Variants in VKORC1L1 observed in about 807,000 individuals in gnomAD.
VKORC1L1 encodes the protein vitamin K epoxide reductase complex subunit 1-like protein 1.
VKORC1L1 carries 2 observed loss-of-function variants against 18.9 expected under a neutral mutation model. The observed-to-expected ratio is 0.11, with a 90% confidence interval of 0.04 to 0.33. The LOEUF (loss-of-function observed/expected upper bound fraction) is 0.33, where lower values mean the gene tolerates loss of function less well. Ranked by LOEUF, VKORC1L1 falls within the 10% of genes least tolerant of loss-of-function variation. The probability of loss-of-function intolerance (pLI) is 1.00; values close to 1 mark genes in which losing one functional copy is unlikely to be tolerated. For synonymous variants in VKORC1L1, 96 were observed against 100.0 expected, an observed-to-expected ratio of 0.96 and a Z score of 0.24; for missense variants, 123 against 224.1, an observed-to-expected ratio of 0.55 and a Z score of 2.88.
chr7:65,889,271 T>G (rs1270809483), intron 1 of VKORC1L1, among the ~76,000 whole-genome samples: 1 of 152,190 alleles, frequency 6.6e-6, no homozygotes, highest in Non-Finnish European at 1.5e-5. Flanking sequence ...TGTTGAGTAC[T>G]TCATTTGCTA....
At chr7:65,925,393 T>C (rs1224635029) in intron 1 of VKORC1L1, among the ~76,000 whole-genome samples, 1 of 152,216 alleles carries the variant, frequency 6.6e-6, no homozygotes, top group Non-Finnish European at 1.5e-5. Flanking sequence ...GTCTCCGAGT[T>C]GGTCTCACTC....
chr7:65,913,050 T>A (rs190287978), intron 1 of VKORC1L1, among the ~76,000 whole-genome samples: 1 of 152,254 alleles, frequency 6.6e-6, no homozygotes, highest in Non-Finnish European at 1.5e-5. Flanking sequence ...GGTGTGGGTA[T>A]CTCAGAGAGC....
At chr7:65,930,824 T>G (rs1043870613) in intron 1 of VKORC1L1, among the ~76,000 whole-genome samples, 3 of 152,154 alleles carry the variant, frequency 2.0e-5, no homozygotes, top group Non-Finnish European at 2.9e-5. Flanking sequence ...GAGAAAGAAT[T>G]TCGTCTTTCC....
chr7:65,881,672 A>T (rs185496927), intron 1 of VKORC1L1, among the ~76,000 whole-genome samples: 46 of 152,344 alleles, frequency 3.0e-4, no homozygotes, highest in African/African-American at 1.1e-3. Flanking sequence ...TTTTGCATAC[A>T]AAACTGGTGA....
In VKORC1L1 at chr7:65,916,115, T is replaced by TAAAAAAA. The variant is rs35219358; in HGVS notation, c.195-32544_195-32538dup. Among the ~76,000 whole-genome samples, 273 of 126,612 alleles carry TAAAAAAA rather than the reference T, an allele frequency of 2.2e-3. 2 individuals are homozygous for TAAAAAAA. The highest frequency in any genetic ancestry group is 7.9e-3 in the African/African-American group (266 of 33,530). 83.1% of individuals were successfully genotyped at this position (126,612 alleles called of 152,430 possible). ...AGCAGACCGTGACTCTGTCTAAAAT[T>TAAAAAAA]AAAAAAAAAAAAAAAAAAGAGGAAA... is the stretch of plus-strand genomic sequence containing the variant. On this transcript the variant is annotated intron_variant, in intron 1 of 2. Transcript: ENST00000360768.
At chr7:65,872,830 G>A (rs1439285374), upstream of VKORC1L1, among the ~76,000 whole-genome samples, 1 of 152,054 alleles carries the variant, frequency 6.6e-6, no homozygotes, top group Non-Finnish European at 1.5e-5. Flanking sequence ...GATGGCAATT[G>A]ATTGCCATCC....
chr7:65,951,113 G>A (rs904486221), intron 2 of VKORC1L1, among the ~76,000 whole-genome samples: 3 of 152,044 alleles, frequency 2.0e-5, no homozygotes, highest in South Asian at 2.1e-4. Flanking sequence ...TTTTTGACTC[G>A]CATTTAGATG....
intron 1 of VKORC1L1, among the ~76,000 whole-genome samples, chr7:65,895,506 TATATATATATAC>T (rs1477818107): frequency 7.4e-5 from 7 of 94,322 alleles, no homozygotes; most frequent in African/African-American, 2.4e-4. Flanking sequence ...TATATATATA[TATATATATATAC>T]ACACACACAC....
intron 1 of VKORC1L1, among the ~76,000 whole-genome samples, chr7:65,894,322 C>CTGAT: frequency 6.6e-6 from 1 of 152,148 alleles, no homozygotes; most frequent in East Asian, 1.9e-4. Context: ...ATTGAATCCT[C>CTGAT]TGATTCATAG....
chr7:65,877,536 C>T (rs1788850280), intron 1 of VKORC1L1, among the ~76,000 whole-genome samples: 1 of 152,076 alleles, frequency 6.6e-6, no homozygotes, highest in Non-Finnish European at 1.5e-5. Context: ...TTAGTAGAGA[C>T]AGGGTCTTGC....
chr7:65,892,760 G>C (rs1389314308), intron 1 of VKORC1L1, among the ~76,000 whole-genome samples: 1 of 152,158 alleles, frequency 6.6e-6, no homozygotes, highest in Non-Finnish European at 1.5e-5. Context: ...CTGCTTTGTA[G>C]AGCTACCTTG....
At chr7:65,875,563 G>A (rs1313828490) in intron 1 of VKORC1L1, among the ~76,000 whole-genome samples, 1 of 151,642 alleles carries the variant, frequency 6.6e-6, no homozygotes, top group African/African-American at 2.4e-5. Flanking sequence ...GACTACAGGC[G>A]CCCGCCACAA....
At chr7:65,892,424 C>T (rs1485943865) in intron 1 of VKORC1L1, among the ~76,000 whole-genome samples, 2 of 152,218 alleles carry the variant, frequency 1.3e-5, no homozygotes, top group African/African-American at 2.4e-5. Flanking sequence ...CCTTTTTCCA[C>T]ATCCTCACCA....
At chr7:65,898,354 G>T (rs1789253306) in intron 1 of VKORC1L1, among the ~76,000 whole-genome samples, 1 of 152,038 alleles carries the variant, frequency 6.6e-6, no homozygotes. Context: ...AAAGTGTTGG[G>T]ATTACAGGTG....
intron 1 of VKORC1L1, among the ~76,000 whole-genome samples, chr7:65,946,908 G>A (rs1790127573): frequency 6.6e-6 from 1 of 152,086 alleles, no homozygotes; most frequent in Non-Finnish European, 1.5e-5. Context: ...GCCAAGGTGG[G>A]AGGATTGCTT....
At chr7:65,903,158 G>T (rs369612339) in intron 1 of VKORC1L1, among the ~76,000 whole-genome samples, 1 of 149,724 alleles carries the variant, frequency 6.7e-6, no homozygotes, top group Non-Finnish European at 1.5e-5. Flanking sequence ...AAGCCACCAC[G>T]CTTGGCCTTC....
At chr7:65,890,454 A>G (rs1789093888) in intron 1 of VKORC1L1, among the ~76,000 whole-genome samples, 1 of 151,880 alleles carries the variant, frequency 6.6e-6, no homozygotes, top group Admixed American at 6.6e-5. Context: ...TTTTTAGTAG[A>G]GATGGCATTT....
intron 1 of VKORC1L1, among the ~76,000 whole-genome samples, chr7:65,917,079 C>T (rs752576929): frequency 2.0e-5 from 3 of 152,148 alleles, no homozygotes; most frequent in Non-Finnish European, 4.4e-5. Context: ...TAGTCATTTA[C>T]TTAATTCCTC....
chr7:65,886,841 T>G (rs1789021883), intron 1 of VKORC1L1, among the ~76,000 whole-genome samples: 5 of 92,976 alleles, frequency 5.4e-5, no homozygotes, highest in African/African-American at 7.8e-5. Context: ...CTGTCCGAGT[T>G]TTTTTTTTTT....
Sources: gnomAD v4.1 joint callset for allele counts (sites outside exome capture counted in the v4.1 genomes callset) on GRCh38, gnomAD v4.1.1 for gene constraint, MANE v1.5 for transcripts, NCBI Gene and HGNC (gene_info 2026-07-23, HGNC 2026-07-21) for gene names.